The following FHAD1 variants were observed in gnomAD, a reference collection of about 807,000 sequenced individuals.
FHAD1 encodes the protein forkhead associated phosphopeptide binding domain 1, also known as forkhead-associated domain-containing protein 1.
In FHAD1, 146 loss-of-function variants were observed where a neutral mutation model predicts 191.3. That is an observed-to-expected ratio of 0.76 (90% confidence interval 0.67 to 0.88). The LOEUF is 0.88. Among genes scored for constraint, FHAD1 ranks in the 40% least tolerant of loss-of-function variants. The probability of loss-of-function intolerance (pLI) is 0.00; values close to 1 mark genes in which losing one functional copy is unlikely to be tolerated. For synonymous variants in FHAD1, 616 were observed against 672.3 expected (o/e 0.92, Z 1.29); for missense variants, 1,635 against 1,785.8 (o/e 0.92, Z 1.52).
At chr1:15,315,011 T>G (rs1673858775) in intron 8 of FHAD1, 1 of 151,966 alleles carries the variant, frequency 6.6e-6, no homozygotes, top group Non-Finnish European at 1.5e-5. Context: ...GGGTTACTTG[T>G]GTCCCCATTT....
At chr1:15,388,166 T>C (rs1382573024) in intron 32 of FHAD1, 35 bp downstream of exon 32, 3 of 1,238,846 alleles carry the variant, frequency 2.4e-6, no homozygotes, top group African/African-American at 3.1e-5. Context: ...AGACACAGAG[T>C]AGAGACAGTC....
intron 33 of FHAD1, among the ~76,000 whole-genome samples, chr1:15,395,168 G>T (rs955072931): frequency 6.6e-6 from 1 of 152,034 alleles, no homozygotes; most frequent in Non-Finnish European, 1.5e-5. Flanking sequence ...AAAAAAATTA[G>T]CCGGGCATGC....
chr1:15,379,568 G>A (rs530682555), intron 28 of FHAD1, among the ~76,000 whole-genome samples: 169 of 152,166 alleles, frequency 1.1e-3, no homozygotes, highest in Non-Finnish European at 2.2e-3. Context: ...GACCCTTTAC[G>A]GGTGTCTGGC....
rs1658471455 is a variant in FHAD1, at chr1:15,276,586, A to T, written c.300+4057A>T. Among the ~76,000 whole-genome samples, 1 of 152,228 alleles carries T rather than the reference A, an allele frequency of 6.6e-6. No homozygotes were observed. Among genetic ancestry groups the T allele is most frequent in the African/African-American group, 2.4e-5 (1 of 41,448 alleles). On this transcript the variant is annotated intron_variant, in intron 3 of 33. Transcript: ENST00000688493. This position sits in a 1 kb window ranked among gnomAD's most constrained non-coding sequence, Gnocchi z 4.7. ...GAGGCCAAGGCAGGAGGATCGCTTG[A>T]GGCCAGGAGTTCAAGACCAGCCTGG...
intron 14 of FHAD1, chr1:15,334,601 G>C (rs1683210494): frequency 6.6e-6 from 1 of 152,262 alleles, no homozygotes; most frequent in Non-Finnish European, 1.5e-5. Flanking sequence ...CAGTCTCCTA[G>C]CGGCATATGA....
chr1:15,309,839 C>T lies in FHAD1; in HGVS notation c.1039+1103C>T, dbSNP rs548812617. On this transcript the variant is annotated intron_variant, in intron 7 of 33. Transcript: ENST00000688493. ...TCTCTGAGGAGGTGGGAGGGGCTGT[C>T]GGGAGGCCCCTGGGAACGGTATGCT... Among the ~76,000 whole-genome samples, 10 of 152,148 alleles carry T rather than the reference C, an allele frequency of 6.6e-5. No individual in the cohort carries two copies. In the East Asian group the frequency reaches 1.6e-3, roughly 24 times the overall value.
At chr1:15,365,973 C>A in intron 24 of FHAD1, 40 bp downstream of exon 24, 2 of 1,362,382 alleles carry the variant, frequency 1.5e-6, no homozygotes, top group Non-Finnish European at 2.0e-6. Context: ...TCCTGACCCA[C>A]TCGAGAAAGG....
chr1:15,349,442 C>T (rs1690058973), intron 19 of FHAD1, among the ~76,000 whole-genome samples: 1 of 152,210 alleles, frequency 6.6e-6, no homozygotes, highest in South Asian at 2.1e-4. Flanking sequence ...GAAGATTTTT[C>T]TGCTCTCTGG....
At chr1:15,358,364 C>CG in intron 21 of FHAD1, 81 bp downstream of exon 21, 3 of 1,387,900 alleles carry the variant, frequency 2.2e-6, no homozygotes, top group Non-Finnish European at 2.9e-6. Flanking sequence ...TGGTTTAGAC[C>CG]GGGGCTTCTC....
intron 1 of FHAD1, among the ~76,000 whole-genome samples, chr1:15,237,721 A>G (rs768553364): frequency 2.6e-5 from 4 of 152,234 alleles, no homozygotes; most frequent in Non-Finnish European, 5.9e-5. Context: ...ACACGGTGAA[A>G]GGTGAGGATT....
chr1:15,259,591 A>T (rs1027909768), intron 2 of FHAD1, among the ~76,000 whole-genome samples: 8 of 152,004 alleles, frequency 5.3e-5, no homozygotes, highest in African/African-American at 1.9e-4. Context: ...CACAGTTTGG[A>T]CTCCTAGGTG....
intron 2 of FHAD1, among the ~76,000 whole-genome samples, chr1:15,254,531 T>G (rs1277337962): frequency 6.6e-6 from 1 of 152,292 alleles, no homozygotes; most frequent in East Asian, 1.9e-4. Context: ...CCACTGATAC[T>G]AACAAGCTAT....
rs895968077 is a variant in FHAD1 at position 15,328,156 on chromosome 1, C to T, written c.1558-121C>T. Reference sequence around the variant, plus strand: ...CAAGACATATCAGGACCTCTGTCCTCCCGTGCTTAGACAGGGACTTAAGTT... The same window carrying T: ...CAAGACATATCAGGACCTCTGTCCTTCCGTGCTTAGACAGGGACTTAAGTT... On this transcript the variant is annotated intron_variant, in intron 12 of 33. Coordinates refer to ENST00000688493, the MANE Select transcript of FHAD1 (RefSeq NM_001391957.1). 18 of 740,180 alleles carry T rather than the reference C, an allele frequency of 2.4e-5. No individual in the cohort carries two copies. In the African/African-American group the frequency reaches 3.1e-4, roughly 13 times the overall value. 45.9% of individuals were successfully genotyped at this position (740,180 alleles called of 1,614,324 possible).
intron 31 of FHAD1, chr1:15,384,070 T>G (rs1701553800): frequency 5.6e-6 from 1 of 178,638 alleles, no homozygotes; most frequent in South Asian, 8.7e-5. Context: ...TGTGTGTGTG[T>G]TTGTGTGTGT....
At chr1:15,279,773 C>T (rs1659886233) in intron 3 of FHAD1, among the ~76,000 whole-genome samples, 1 of 152,010 alleles carries the variant, frequency 6.6e-6, no homozygotes, top group Admixed American at 6.6e-5. Context: ...AATGCTCTGA[C>T]TGGCCAGGCC....
chr1:15,359,885 G>A lies in FHAD1; in HGVS notation c.2737-593G>A, dbSNP rs1424637186. On this transcript the variant is annotated intron_variant, in intron 21 of 33. Transcript: ENST00000688493. ...GAATAGTGTGAACCCGGGAGGCGGA[G>A]CTTGCAGTGAGCCGAGATCGCGCCA... Among the ~76,000 whole-genome samples, 6 of 152,176 alleles carry A rather than the reference G, an allele frequency of 3.9e-5. No homozygotes were observed. The East Asian group carries it at 7.8e-4, about 20-fold the overall frequency.
chr1:15,260,144 GA>G (rs895227804), intron 2 of FHAD1, among the ~76,000 whole-genome samples: 3 of 152,196 alleles, frequency 2.0e-5, no homozygotes, highest in African/African-American at 7.2e-5. Context: ...ACAAAGAACA[GA>G]AGGGCGGCTC....
rs35816204 is a variant in FHAD1, at chr1:15,382,061, G to C, written c.4056G>C (p.Ser1352=). ...RSKVSIEMYQ[S]QVAKLEDDIY... is the part of the protein sequence containing the mutation. ...AAGTGTCCATTGAGATGTACCAGTC[G>C]CAGGTGGCAAAGCTGGAGGATGATA... is the stretch of plus-strand genomic sequence containing the variant. Residue 1352 remains serine (S), a synonymous_variant, in exon 31 of 34, where the codon TCG becomes TCC. Transcript: ENST00000688493. 6 of 1,552,142 alleles carry C rather than the reference G, an allele frequency of 3.9e-6. No individual in the cohort carries two copies. The highest frequency in any genetic ancestry group is 5.2e-6 in the Non-Finnish European group (6 of 1,147,090).
At chr1:15,389,648 GA>G (rs1462475729) in intron 32 of FHAD1, among the ~76,000 whole-genome samples, 1 of 152,088 alleles carries the variant, frequency 6.6e-6, no homozygotes, top group African/African-American at 2.4e-5. Context: ...ATTCTTCGCA[GA>G]CTGTTGCTTT....
Sources: gnomAD v4.1 joint callset for allele counts (sites outside exome capture counted in the v4.1 genomes callset) on GRCh38, gnomAD v4.1.1 for gene constraint, Gnocchi (gnomAD v3.1) non-coding constraint, MANE v1.5 for transcripts, NCBI Gene and HGNC (gene_info 2026-07-23, HGNC 2026-07-21) for gene names.